Variants in TNRC6C observed in about 807,000 individuals in gnomAD.
The protein encoded by TNRC6C is trinucleotide repeat containing adaptor 6C.
Under a neutral mutation model 153.7 loss-of-function variants are expected in TNRC6C, and 20 were observed. That is an observed-to-expected ratio of 0.13 (90% CI 0.09 to 0.19). TNRC6C has a LOEUF of 0.19. Ranked by LOEUF, TNRC6C falls within the 10% of genes least tolerant of loss-of-function variation. The probability of loss-of-function intolerance (pLI) is 1.00; values close to 1 mark genes in which losing one functional copy is unlikely to be tolerated. For missense variants in TNRC6C, 1,987 were observed against 2,172.0 expected, an observed-to-expected ratio of 0.91 and a Z score of 1.69; for synonymous variants, 811 against 841.4, an observed-to-expected ratio of 0.96 and a Z score of 0.63.
chr17:77,969,607 C>T (rs1055263662), intron 1 of TNRC6C, among the ~76,000 whole-genome samples: 3 of 152,004 alleles, frequency 2.0e-5, no homozygotes, highest in Admixed American at 6.6e-5. Context: ...TGATCTGTGG[C>T]ATCTGACCTA....
chr17:77,982,988 C>T (rs1012339333), intron 1 of TNRC6C, among the ~76,000 whole-genome samples: 3 of 151,954 alleles, frequency 2.0e-5, no homozygotes, highest in African/African-American at 4.8e-5. Context: ...AATAACAGAG[C>T]TTTAAAAGAC....
At chr17:77,965,017 T>C (rs957219869) in intron 1 of TNRC6C, among the ~76,000 whole-genome samples, 1 of 152,190 alleles carries the variant, frequency 6.6e-6, no homozygotes, top group African/African-American at 2.4e-5. Context: ...AAAGCATCCT[T>C]AGGTAACCAG....
At chr17:78,106,907 C>G (rs986364502) in exon 20 of TNRC6C, 3 of 149,414 alleles carry the variant, frequency 2.0e-5, no homozygotes, top group African/African-American at 7.4e-5. Context: ...AAAAGTCCTG[C>G]AAGACTGCAG....
intron 1 of TNRC6C, among the ~76,000 whole-genome samples, chr17:77,961,229 C>T (rs1463597657): frequency 1.3e-5 from 2 of 150,702 alleles, no homozygotes; most frequent in African/African-American, 4.9e-5. Flanking sequence ...GATCTCGGGT[C>T]ACTGCAACCT....
chr17:78,018,286 C>T (rs967510749), intron 1 of TNRC6C, among the ~76,000 whole-genome samples: 1 of 152,140 alleles, frequency 6.6e-6, no homozygotes, highest in Non-Finnish European at 1.5e-5. Context: ...ATCACCACGC[C>T]CGTCTAACTT....
In TNRC6C at chr17:78,079,729, C is replaced by T. The variant is rs2073145454; in HGVS notation, c.3357+188C>T. ...TAAAGTAGTAAATGGATTCTCCTGA[C>T]CCAGGAGACATTTTCAGAGCTTGCT... On this transcript the variant is annotated intron_variant, in intron 10 of 19. Coordinates refer to ENST00000301624, the Ensembl canonical transcript of TNRC6C. The surrounding 1 kb of genome is among the most constrained non-coding windows in gnomAD (Gnocchi z 4.3). Among the ~76,000 whole-genome samples, 2 of 152,274 alleles carry T rather than the reference C, an allele frequency of 1.3e-5. No homozygotes were observed. The highest frequency in any genetic ancestry group is 2.4e-5 in the African/African-American group (1 of 41,532).
At chr17:78,105,113 ATTTT>A (rs57885030) in exon 20 of TNRC6C, 9 of 295,992 alleles carry the variant, frequency 3.0e-5, no homozygotes, top group Admixed American at 5.4e-5. Flanking sequence ...TGTCATTTTG[ATTTT>A]TTTTTTTTTT....
At chr17:78,086,175 C>G (rs1302041422) in intron 11 of TNRC6C, among the ~76,000 whole-genome samples, 2 of 151,490 alleles carry the variant, frequency 1.3e-5, no homozygotes, top group Non-Finnish European at 2.9e-5. Context: ...ACTAAAAATA[C>G]AAAAATTAGC....
Position 78,104,017 on chromosome 17 carries a change from C to T in TNRC6C, c.4712+464C>T, listed in dbSNP as rs2073644035. On this transcript the variant is annotated intron_variant, in intron 19 of 19. Coordinates refer to ENST00000301624, the Ensembl canonical transcript of TNRC6C. The surrounding 1 kb of genome is among the most constrained non-coding windows in gnomAD (Gnocchi z 6.2). ...TTCCTCACAGGTATCTTGGGACTTACTGGTTTTTTTCTGCTGCTGAGTTGC... is the reference window on the plus strand; with the variant it reads ...TTCCTCACAGGTATCTTGGGACTTATTGGTTTTTTTCTGCTGCTGAGTTGC... 6.6e-6 allele frequency among the ~76,000 whole-genome samples: 1 copy of T among 152,182 alleles called. No homozygotes were observed. Among genetic ancestry groups the T allele is most frequent in the African/African-American group, 2.4e-5 (1 of 41,456 alleles).
chr17:78,084,367 T>C (rs2073238756), intron 11 of TNRC6C, among the ~76,000 whole-genome samples: 2 of 150,782 alleles, frequency 1.3e-5, no homozygotes, highest in African/African-American at 4.9e-5. Context: ...GACAGAACCA[T>C]TGGCATAAAA....
exon 9 of TNRC6C, chr17:78,077,294 C>T: frequency 1.3e-6 from 2 of 1,585,538 alleles, no homozygotes; most frequent in Non-Finnish European, 1.7e-6. Flanking sequence ...GGTGGGATTG[C>T]CTCCGGGCTG....
At chr17:77,991,038 G>A (rs1241570802) in intron 1 of TNRC6C, among the ~76,000 whole-genome samples, 2 of 152,178 alleles carry the variant, frequency 1.3e-5, no homozygotes, top group Non-Finnish European at 2.9e-5. Context: ...ATATTCGAAG[G>A]TAGATTAGGT....
At chr17:77,984,557 C>T (rs1022878110) in intron 1 of TNRC6C, among the ~76,000 whole-genome samples, 2 of 152,186 alleles carry the variant, frequency 1.3e-5, no homozygotes, top group East Asian at 1.9e-4. Flanking sequence ...CTCCCTCCTT[C>T]AGTGCGTGTG....
exon 20 of TNRC6C, chr17:78,107,023 A>C (rs1477547951): frequency 6.6e-6 from 1 of 152,186 alleles, no homozygotes; most frequent in Non-Finnish European, 1.5e-5. Context: ...AACCTTCCTC[A>C]GAGTGACTGC....
intron 2 of TNRC6C, among the ~76,000 whole-genome samples, chr17:78,043,720 C>T (rs1429995381): frequency 6.6e-6 from 1 of 151,914 alleles, no homozygotes; most frequent in Non-Finnish European, 1.5e-5. Context: ...TCCACTTCTC[C>T]CCACCCCTCA....
chr17:77,959,458 C>G (rs1017000687), intron 1 of TNRC6C, among the ~76,000 whole-genome samples, 190 bp downstream of exon 1: 113 of 152,012 alleles, frequency 7.4e-4, no homozygotes, highest in African/African-American at 2.5e-3. Context: ...CGCGTGTGTG[C>G]TAGTGTGAGA....
intron 1 of TNRC6C, among the ~76,000 whole-genome samples, chr17:77,989,339 A>AT (rs2071216869): frequency 6.6e-6 from 1 of 152,178 alleles, no homozygotes; most frequent in African/African-American, 2.4e-5. Flanking sequence ...TGGGTGAAAA[A>AT]TTTACTTAAG....
chr17:78,091,533 A>G, exon 14 of TNRC6C: 2 of 1,609,186 alleles, frequency 1.2e-6, no homozygotes, highest in Non-Finnish European at 1.7e-6. Context: ...CGCCTCCCCC[A>G]GTGGACGCAC....
intron 1 of TNRC6C, among the ~76,000 whole-genome samples, chr17:78,021,327 A>G (rs1439113800): frequency 1.3e-5 from 2 of 152,252 alleles, no homozygotes; most frequent in East Asian, 3.8e-4. Context: ...TGAGGGGCAC[A>G]GGAGGGGCGT....
Sources: allele counts gnomAD v4.1 joint callset (sites outside exome capture counted in the v4.1 genomes callset), GRCh38; gene constraint gnomAD v4.1.1; non-coding constraint Gnocchi (gnomAD v3.1); transcripts MANE v1.5; gene names NCBI Gene and HGNC (gene_info 2026-07-23, HGNC 2026-07-21).